The following LOC400499 variants were observed in gnomAD, a reference collection of about 807,000 sequenced individuals.
At chr16:11,384,275 G>C in the LOC400499 span, 1 of 1,232,444 alleles carries the variant, frequency 8.1e-7, no homozygotes, top group Non-Finnish European at 1.0e-6. Context: ...GGCAACATCA[G>C]CTCATTGCCT....
the LOC400499 span, among the ~76,000 whole-genome samples, chr16:11,467,833 G>A: frequency 1.3e-5 from 2 of 152,172 alleles, no homozygotes; most frequent in Non-Finnish European, 2.9e-5. Context: ...TAAGCCGCAG[G>A]ACCTGTGAAT....
chr16:11,469,357 C>G, the LOC400499 span: 3 of 399,040 alleles, frequency 7.5e-6, no homozygotes, highest in Non-Finnish European at 1.3e-5. Flanking sequence ...ATCTCTGAGC[C>G]TAAGATGTAG....
At chr16:11,525,052 A>G in the LOC400499 span, among the ~76,000 whole-genome samples, 1 of 152,152 alleles carries the variant, frequency 6.6e-6, no homozygotes, top group African/African-American at 2.4e-5. Context: ...TGGGAAGCTG[A>G]GGTGGGTGAT....
chr16:11,463,576 A>C, the LOC400499 span, among the ~76,000 whole-genome samples: 3 of 152,082 alleles, frequency 2.0e-5, no homozygotes, highest in Non-Finnish European at 4.4e-5. Context: ...ATGTATACGG[A>C]TGTGTAAAGA....
At chr16:11,435,857 T>C in the LOC400499 span, 1 of 399,162 alleles carries the variant, frequency 2.5e-6, no homozygotes, top group Admixed American at 4.4e-5. Context: ...GCGCACTCTG[T>C]AGCGCCCGGC....
At chr16:11,523,675 T>G in the LOC400499 span, 1 of 379,518 alleles carries the variant, frequency 2.6e-6, no homozygotes, top group African/African-American at 2.1e-5. Context: ...CAATTTGCTC[T>G]TGTTCATCTT....
chr16:11,380,436 C>T, the LOC400499 span, among the ~76,000 whole-genome samples: 17 of 152,058 alleles, frequency 1.1e-4, no homozygotes, highest in East Asian at 1.2e-3. Context: ...AAAAATTCGC[C>T]GGGGGTGGTG....
the LOC400499 span, chr16:11,446,891 TG>T: frequency 6.5e-7 from 1 of 1,535,448 alleles, no homozygotes; most frequent in Non-Finnish European, 8.7e-7. Flanking sequence ...CTCTGCGGGA[TG>T]GGCAGGTGCA....
chr16:11,470,273 T>G, the LOC400499 span, among the ~76,000 whole-genome samples: 1 of 152,138 alleles, frequency 6.6e-6, no homozygotes, highest in Non-Finnish European at 1.5e-5. Context: ...CTGCACTTCC[T>G]GGCTGTCACC....
chr16:11,475,503 G>A, the LOC400499 span: 2 of 395,648 alleles, frequency 5.1e-6, no homozygotes, highest in African/African-American at 2.1e-5. Context: ...ATACTTTTTG[G>A]TTTGCAGAAT....
the LOC400499 span, among the ~76,000 whole-genome samples, chr16:11,463,790 T>C: frequency 6.6e-6 from 1 of 152,138 alleles, no homozygotes; most frequent in Non-Finnish European, 1.5e-5. Context: ...TGTGTCTACA[T>C]ATGGATGTTT....
chr16:11,484,437 T>C, the LOC400499 span, among the ~76,000 whole-genome samples: 1 of 152,196 alleles, frequency 6.6e-6, no homozygotes, highest in Non-Finnish European at 1.5e-5. Flanking sequence ...ACCTTAACCA[T>C]GTACTAGTGT....
chr16:11,387,879 C>T, the LOC400499 span, among the ~76,000 whole-genome samples: 1 of 152,230 alleles, frequency 6.6e-6, no homozygotes. Flanking sequence ...CCACCTCGGC[C>T]TCCCAAAGTG....
the LOC400499 span, chr16:11,477,872 G>A: frequency 7.5e-6 from 3 of 398,948 alleles, no homozygotes; most frequent in East Asian, 1.1e-4. Context: ...CTGGAAGTCA[G>A]TGGTTCCTCG....
the LOC400499 span, chr16:11,387,036 T>C: frequency 8.7e-7 from 1 of 1,146,300 alleles, no homozygotes; most frequent in Non-Finnish European, 1.1e-6. Flanking sequence ...GCTACTAGCC[T>C]ATGGAGGCTT....
At chr16:11,470,480 T>C in the LOC400499 span, 1 of 152,098 alleles carries the variant, frequency 6.6e-6, no homozygotes, top group African/African-American at 2.4e-5. Context: ...TCTTTCTGGG[T>C]CCCCCGGAGC....
chr16:11,383,680 G>A, the LOC400499 span: 12 of 1,232,490 alleles, frequency 9.7e-6, no homozygotes, highest in Non-Finnish European at 1.2e-5. Flanking sequence ...GAATCCACGG[G>A]CACACAGGTG....
At chr16:11,512,645 G>T in the LOC400499 span, among the ~76,000 whole-genome samples, 9 of 152,228 alleles carry the variant, frequency 5.9e-5, no homozygotes, top group African/African-American at 2.2e-4. Flanking sequence ...TGGTGATGAT[G>T]GATGTACAAC....
chr16:11,520,724 G>T, the LOC400499 span, among the ~76,000 whole-genome samples: 3 of 149,028 alleles, frequency 2.0e-5, no homozygotes, highest in East Asian at 4.0e-4. Context: ...CCAAGAGGAA[G>T]TATGAAGGAG....
Sources: allele counts gnomAD v4.1 joint callset (sites outside exome capture counted in the v4.1 genomes callset), GRCh38; gene constraint gnomAD v4.1.1; transcripts MANE v1.5.